Variants in PATJ observed in about 807,000 individuals in gnomAD.
PATJ encodes inaD-like protein.
In PATJ, 190 loss-of-function variants were observed where a neutral mutation model predicts 224.9. The observed-to-expected ratio is 0.84, with a 90% CI of 0.75 to 0.95. The LOEUF (loss-of-function observed/expected upper bound fraction) is 0.95, where lower values mean the gene tolerates loss of function less well. PATJ is among the 40% of genes least tolerant of loss of function. The pLI is 0.00. For missense variants in PATJ, 2,121 were observed against 2,270.3 expected (o/e 0.93, Z 1.34); for synonymous variants, 769 against 820.3 (o/e 0.94, Z 1.07).
intron 24 of PATJ, 144 bp from the exon 25 acceptor site, chr1:61,908,228 A>T: frequency 1.7e-6 from 1 of 586,734 alleles, no homozygotes; most frequent in Non-Finnish European, 3.0e-6. Context: ...CAAGCTTTTT[A>T]TGGGCCAATC....
intron 27 of PATJ, among the ~76,000 whole-genome samples, chr1:61,934,171 T>G: frequency 6.6e-6 from 1 of 152,194 alleles, no homozygotes; most frequent in Non-Finnish European, 1.5e-5. Context: ...CAGGCTAGAG[T>G]GCAGTGGCAC....
At chr1:61,804,978 G>A (rs888581734) in intron 12 of PATJ, among the ~76,000 whole-genome samples, 1 of 152,092 alleles carries the variant, frequency 6.6e-6, no homozygotes, top group Non-Finnish European at 1.5e-5. Flanking sequence ...GTTGATATGC[G>A]CTGCTGATAG....
intron 29 of PATJ, among the ~76,000 whole-genome samples, chr1:62,025,974 G>A (rs148517323): frequency 8.3e-4 from 126 of 152,286 alleles, no homozygotes; most frequent in Middle Eastern, 3.4e-3. Flanking sequence ...GGCACAACTG[G>A]TGACAATTAT....
At chr1:62,020,415 CA>C (rs1170618204) in intron 29 of PATJ, among the ~76,000 whole-genome samples, 1 of 151,870 alleles carries the variant, frequency 6.6e-6, no homozygotes, top group Non-Finnish European at 1.5e-5. Context: ...TTAAAGAGAG[CA>C]AAAAGAAAAT....
intron 21 of PATJ, among the ~76,000 whole-genome samples, chr1:61,882,172 T>C (rs57291316): frequency 0.02 from 3,072 of 152,154 alleles, 94 homozygotes; most frequent in East Asian, 0.1. Context: ...ATGATAGGGT[T>C]CATGAGGGAA....
At position 61,855,982 on chromosome 1, in the gene PATJ, T is replaced by C. The variant is rs768210314; in HGVS notation, c.2113-48T>C. Reference sequence around the variant, plus strand: ...ACTCAAGCTGTCCTAAGGCTGCATATTTATTTTCAGTGCATGGACTCATCC... The same window carrying C: ...ACTCAAGCTGTCCTAAGGCTGCATACTTATTTTCAGTGCATGGACTCATCC... On this transcript the variant is annotated intron_variant, in intron 17 of 43. Transcript: ENST00000642238. The C allele has an allele frequency of 2.8e-6, 4 of 1,427,786 alleles. No individual in the cohort carries two copies. In the East Asian group the frequency reaches 9.1e-5, roughly 32 times the overall value. The allele number at this position is 1,427,786 out of a possible 1,614,324, so 88.4% of individuals were successfully genotyped here. A position where few individuals can be genotyped will look rare whatever the true frequency, so the allele number is the denominator to read the frequency against.
At chr1:62,097,736 A>G (rs1295214075) in intron 33 of PATJ, among the ~76,000 whole-genome samples, 3 of 152,234 alleles carry the variant, frequency 2.0e-5, no homozygotes, top group African/African-American at 7.2e-5. Flanking sequence ...AGTTGTTTTA[A>G]GCCACTAAGT....
chr1:61,812,406 C>G (rs1241824452), intron 14 of PATJ, among the ~76,000 whole-genome samples: 81 of 48,768 alleles, frequency 1.7e-3, no homozygotes, highest in African/African-American at 3.9e-3. Context: ...ATGTGAGTGA[C>G]TGAGAGAGAG....
At chr1:61,857,858 T>C (rs1259374932) in intron 18 of PATJ, among the ~76,000 whole-genome samples, 2 of 152,208 alleles carry the variant, frequency 1.3e-5, no homozygotes, top group Non-Finnish European at 2.9e-5. Context: ...CTAAGCCTAT[T>C]TTTTTCATCT....
At chr1:61,769,473 A>G in intron 5 of PATJ, 51 bp downstream of exon 5, 1 of 1,563,626 alleles carries the variant, frequency 6.4e-7, no homozygotes, top group Middle Eastern at 1.7e-4. Flanking sequence ...GATAATTCTG[A>G]AAACTATTAT....
In PATJ at chr1:61,858,983, G is replaced by A. The variant is rs1458390581; in HGVS notation, c.2323-2568G>A. On this transcript the variant is annotated intron_variant, in intron 18 of 43. Transcript: ENST00000642238. ...CATGAGGTGCTTGGTTTGTGTTTTG[G>A]ATAAATTAAGGACAGGAAAACTATT... is the stretch of plus-strand genomic sequence containing the variant. Among the ~76,000 whole-genome samples, 6 of 152,154 alleles carry A rather than the reference G, an allele frequency of 3.9e-5. No homozygotes were observed. The South Asian group carries it at 1.0e-3, about 26-fold the overall frequency.
rs141039243 is a variant in PATJ at position 61,810,699 on chromosome 1, AAAATAAATAAATAAATAAAT to A, written c.1683+2197_1683+2216del. Among the ~76,000 whole-genome samples, 551 of 144,082 alleles carry A rather than the reference AAAATAAATAAATAAATAAAT, an allele frequency of 3.8e-3. 4 individuals are homozygous for A. Among genetic ancestry groups the A allele is most frequent in the African/African-American group, 0.013 (520 of 38,868 alleles). The allele number at this position is 144,082 out of a possible 152,430, so 94.5% of individuals were successfully genotyped here. ...GCAACAGAGCGAGACTCTGTCTCAA[AAAATAAATAAATAAATAAAT>A]AAATAAATAAATAAATAAATAAATA... On this transcript the variant is annotated intron_variant, in intron 14 of 43. Transcript: ENST00000642238.
chr1:62,144,793 T>TATATATATATATATATATATATATATAG, intron 41 of PATJ, among the ~76,000 whole-genome samples: 1 of 146,026 alleles, frequency 6.8e-6, no homozygotes, highest in Non-Finnish European at 1.5e-5. Flanking sequence ...TATATATATA[T>TATATATATATATATATATATATATATAG]ATAATTAGCA....
rs139743312 is a variant in PATJ, at chr1:62,129,112, G to A, written c.5271+167G>A. Among the ~76,000 whole-genome samples the A allele has an allele frequency of 3.7e-4, 57 of 152,316 alleles. 1 individual carries two copies. The East Asian group carries it at 0.01, about 28-fold the overall frequency. ...TATTTTTATTCAGAAATTCTTTAAT[G>A]CCACCCATACAGGTAGTGAGCATGA... On this transcript the variant is annotated intron_variant, in intron 41 of 43. Coordinates refer to ENST00000642238, the MANE Select transcript of PATJ (RefSeq NM_001350145.3).
At chr1:62,125,987 T>A (rs1023144111) in intron 39 of PATJ, among the ~76,000 whole-genome samples, 6 of 152,148 alleles carry the variant, frequency 3.9e-5, no homozygotes, top group African/African-American at 1.4e-4. Context: ...GCCTGGCTGG[T>A]CTCAAACTCC....
intron 33 of PATJ, among the ~76,000 whole-genome samples, chr1:62,093,875 G>A (rs546810471): frequency 3.9e-5 from 6 of 152,092 alleles, no homozygotes; most frequent in South Asian, 2.1e-4. Flanking sequence ...CTTGGGTAAC[G>A]GAATTCCATT....
rs1434174458 is a variant in PATJ, at chr1:62,126,022, C to T, written c.5044-1950C>T. Among the ~76,000 whole-genome samples, 4 of 152,232 alleles carry T rather than the reference C, an allele frequency of 2.6e-5. No homozygotes were observed. The South Asian group carries it at 8.3e-4, about 31-fold the overall frequency. On this transcript the variant is annotated intron_variant, in intron 39 of 43. Transcript: ENST00000642238. The stretch of plus-strand genomic sequence containing the variant: ...CTGACCTCGAGTGTTCCACCCACCT[C>T]ATCCTCCCAAAATGCTGGGATTACA...
intron 22 of PATJ, among the ~76,000 whole-genome samples, chr1:61,899,219 G>A (rs1265377531): frequency 2.0e-5 from 3 of 152,116 alleles, no homozygotes; most frequent in Admixed American, 1.3e-4. Flanking sequence ...GTTGATTTCT[G>A]TGTCTTAGCT....
intron 1 of PATJ, among the ~76,000 whole-genome samples, chr1:61,762,595 T>A (rs1467462877): frequency 2.6e-5 from 4 of 152,152 alleles, no homozygotes; most frequent in Non-Finnish European, 5.9e-5. Context: ...TCCGAAGTGG[T>A]TGTGATATTT....
Sources: allele counts gnomAD v4.1 joint callset (sites outside exome capture counted in the v4.1 genomes callset), GRCh38; gene constraint gnomAD v4.1.1; transcripts MANE v1.5; gene names NCBI Gene and HGNC (gene_info 2026-07-23, HGNC 2026-07-21).